PCDHA3: variants seen among roughly 807,000 people sequenced by gnomAD.
PCDHA3 encodes the protein protocadherin alpha-3.
A neutral mutation model predicts 62.2 loss-of-function variants in PCDHA3; 41 were observed. The ratio of observed to expected loss-of-function variants is 0.66; its 90% CI spans 0.51 to 0.86. The LOEUF is 0.86. PCDHA3 is among the 40% of genes least tolerant of loss of function. The pLI, the probability that PCDHA3 is intolerant of heterozygous loss-of-function variation, is 0.00. For synonymous variants in PCDHA3, 640 were observed against 555.4 expected (o/e 1.15, Z -2.14); for missense variants, 1,304 against 1,241.2 (o/e 1.05, Z -0.76).
intron 1 of PCDHA3, among the ~76,000 whole-genome samples, chr5:140,878,982 T>C (rs1484097371): frequency 2.0e-5 from 3 of 152,206 alleles, no homozygotes; most frequent in African/African-American, 4.8e-5. Flanking sequence ...CCCTCTATCT[T>C]AGAAATGAGA....
chr5:140,991,482 G>A (rs781952323), intron 3 of PCDHA3, among the ~76,000 whole-genome samples: 3 of 152,204 alleles, frequency 2.0e-5, no homozygotes, highest in Non-Finnish European at 4.4e-5. Flanking sequence ...CTGGAAGTCA[G>A]AAGTCCACAG....
At chr5:140,828,517 T>C (rs2150156285) in intron 1 of PCDHA3, 3 of 1,614,174 alleles carry the variant, frequency 1.9e-6, no homozygotes, top group Non-Finnish European at 2.5e-6. Flanking sequence ...GAGTGCTGAT[T>C]TACGAATCTA....
At chr5:140,907,847 C>T (rs1332235262) in intron 1 of PCDHA3, among the ~76,000 whole-genome samples, 15 of 152,232 alleles carry the variant, frequency 9.9e-5, no homozygotes, top group African/African-American at 3.6e-4. Flanking sequence ...TAAAATCCTC[C>T]TCTGCTGAGG....
intron 1 of PCDHA3, among the ~76,000 whole-genome samples, chr5:140,955,756 A>G (rs987029779): frequency 2.6e-5 from 4 of 152,182 alleles, no homozygotes; most frequent in African/African-American, 9.7e-5. Flanking sequence ...TATTGCCATA[A>G]CACTGATTCT....
rs373518493 is a variant in PCDHA3, at chr5:140,883,950, A to T, written c.2394+80359A>T. 129 of 1,613,288 alleles carry T rather than the reference A, an allele frequency of 8.0e-5. 1 individual carries two copies. In the East Asian group the frequency reaches 1.2e-3, roughly 15 times the overall value. Reference sequence around the variant, plus strand: ...GTGTTCGTGCTGGACGAGAACGACAACGCTCCGGCGCTGCTGACGCCCGGG... The same window carrying T: ...GTGTTCGTGCTGGACGAGAACGACATCGCTCCGGCGCTGCTGACGCCCGGG... On this transcript the variant is annotated intron_variant, in intron 1 of 3. Coordinates refer to ENST00000522353, the MANE Select transcript of PCDHA3 (RefSeq NM_018906.3).
chr5:140,807,036 G>A lies in PCDHA3; in HGVS notation c.2394+3445G>A. On this transcript the variant is annotated intron_variant, in intron 1 of 3. Coordinates refer to ENST00000522353, the MANE Select transcript of PCDHA3 (RefSeq NM_018906.3). ...ATACATGAGAGAAGGAGGAAGAAGG[G>A]AAAATTCCTTCTATTCTTACTGGAA... The A allele has an allele frequency of 2.1e-6, 2 of 946,538 alleles. 1 individual carries two copies. Among genetic ancestry groups the A allele is most frequent in the South Asian group, 3.3e-5 (2 of 59,988 alleles). 58.6% of individuals were successfully genotyped at this position (946,538 alleles called of 1,614,324 possible).
intron 1 of PCDHA3, among the ~76,000 whole-genome samples, chr5:140,913,922 A>G (rs2076507888): frequency 6.6e-6 from 1 of 151,936 alleles, no homozygotes; most frequent in South Asian, 2.1e-4. Context: ...ATTTTACTTC[A>G]TTGTGGTCAG....
chr5:140,813,245 C>T (rs1270157718), intron 1 of PCDHA3: 2 of 152,186 alleles, frequency 1.3e-5, no homozygotes, highest in Admixed American at 6.5e-5. Context: ...ATACCAAAAT[C>T]TCCTACTACA....
At chr5:141,002,220 G>A (rs2098065627) in intron 3 of PCDHA3, among the ~76,000 whole-genome samples, 1 of 152,196 alleles carries the variant, frequency 6.6e-6, no homozygotes. Context: ...TCAAAATGAT[G>A]GGTTTTCTGG....
chr5:140,966,355 G>C (rs2095993623), intron 1 of PCDHA3: 1 of 400,198 alleles, frequency 2.5e-6, no homozygotes, highest in Non-Finnish European at 4.4e-6. Context: ...AGGAGATGGG[G>C]CTGGAGAGGC....
intron 1 of PCDHA3, chr5:140,821,789 G>C: frequency 3.1e-6 from 5 of 1,611,922 alleles, no homozygotes; most frequent in Non-Finnish European, 4.2e-6. Context: ...GTATATTCCC[G>C]GAGAGGAAGT....
chr5:140,993,406 T>G (rs1382987714), intron 3 of PCDHA3, among the ~76,000 whole-genome samples: 2 of 150,884 alleles, frequency 1.3e-5, no homozygotes, highest in Non-Finnish European at 2.9e-5. Context: ...TTAACCACCT[T>G]CATCAGCATT....
At chr5:140,848,935 C>G (rs1363080082) in intron 1 of PCDHA3, 1 of 1,607,474 alleles carries the variant, frequency 6.2e-7, no homozygotes, top group Non-Finnish European at 8.5e-7. Context: ...GAATCCAGGC[C>G]GCTTGACTCT....
chr5:140,967,636 T>G, intron 1 of PCDHA3: 2 of 1,614,138 alleles, frequency 1.2e-6, no homozygotes, highest in Non-Finnish European at 1.7e-6. Context: ...GCTCCAATGG[T>G]GAGCTCAGGT....
rs200308248 is a variant in PCDHA3 at position 140,834,522 on chromosome 5, C to T, written c.2394+30931C>T. The T allele has an allele frequency of 9.3e-5, 150 of 1,614,068 alleles. No homozygotes were observed. In the East Asian group the frequency reaches 2.3e-3, roughly 24 times the overall value. The stretch of plus-strand genomic sequence containing the variant: ...GGCTAAACATGGCAACTTCGTGGGC[C>T]GCATCGCGCAGGACCTGGGGCTGGA... On this transcript the variant is annotated intron_variant, in intron 1 of 3. Transcript: ENST00000522353.
At chr5:140,937,284 G>A (rs1473374286) in intron 1 of PCDHA3, among the ~76,000 whole-genome samples, 2 of 151,964 alleles carry the variant, frequency 1.3e-5, no homozygotes, top group South Asian at 2.1e-4. Context: ...TGATTCACCC[G>A]CTTCGGCCTC....
chr5:140,807,873 T>C, intron 1 of PCDHA3: 2 of 1,614,088 alleles, frequency 1.2e-6, no homozygotes, highest in Non-Finnish European at 1.7e-6. Context: ...GTTCAGTTAC[T>C]CATCACAGTA....
At position 140,870,626 on chromosome 5, in the gene PCDHA3, C is replaced by T. The variant is rs782773688; in HGVS notation, c.2394+67035C>T. 61 of 1,612,898 alleles carry T rather than the reference C, an allele frequency of 3.8e-5. No homozygotes were observed. Among genetic ancestry groups the T allele is most frequent in the Non-Finnish European group, 5.0e-5 (59 of 1,179,802 alleles). Reference sequence around the variant, plus strand: ...GACCGCGCGCTGTCGAGCTACGTGTCGGTGCACGCGGAGAGCGGCAAGGTG... The same window carrying T: ...GACCGCGCGCTGTCGAGCTACGTGTTGGTGCACGCGGAGAGCGGCAAGGTG... On this transcript the variant is annotated intron_variant, in intron 1 of 3. Transcript: ENST00000522353.
chr5:140,870,915 G>A (rs1554164824), intron 1 of PCDHA3: 4 of 1,613,830 alleles, frequency 2.5e-6, no homozygotes, highest in Non-Finnish European at 3.4e-6. Flanking sequence ...GCTACAACGC[G>A]TGGCTTTCAT....
Sources: allele counts gnomAD v4.1 joint callset (sites outside exome capture counted in the v4.1 genomes callset), GRCh38; gene constraint gnomAD v4.1.1; transcripts MANE v1.5; gene names NCBI Gene and HGNC (gene_info 2026-07-23, HGNC 2026-07-21).